The following CSMD1 variants were observed in gnomAD, a reference collection of about 807,000 sequenced individuals.
CSMD1 encodes the protein CUB and sushi domain-containing protein 1.
A neutral mutation model predicts 417.5 loss-of-function variants in CSMD1; 213 were observed. The ratio of observed to expected loss-of-function variants is 0.51; its 90% CI spans 0.46 to 0.57. CSMD1 has a LOEUF of 0.57. Among genes scored for constraint, CSMD1 ranks in the 20% least tolerant of loss-of-function variants. CSMD1 has a pLI of 0.00. For synonymous variants in CSMD1, 2,862 were observed against 1,736.8 expected, an observed-to-expected ratio of 1.65 and a Z score of -16.11; for missense variants, 6,923 against 4,529.7, an observed-to-expected ratio of 1.53 and a Z score of -15.17.
chr8:3,655,624 C>T (rs186380929), intron 7 of CSMD1, among the ~76,000 whole-genome samples: 1 of 151,472 alleles, frequency 6.6e-6, no homozygotes, highest in Admixed American at 6.6e-5. Flanking sequence ...GGCTGCAAGC[C>T]AGCTGAGCCT....
At chr8:4,380,204 A>G (rs1803012865) in intron 3 of CSMD1, among the ~76,000 whole-genome samples, 1 of 152,192 alleles carries the variant, frequency 6.6e-6, no homozygotes, top group Admixed American at 6.5e-5. Context: ...ACTTCTTTCC[A>G]GACTACAGTA....
At chr8:4,034,212 T>G (rs1797501914) in intron 3 of CSMD1, among the ~76,000 whole-genome samples, 1 of 151,788 alleles carries the variant, frequency 6.6e-6, no homozygotes, top group Non-Finnish European at 1.5e-5. Context: ...GTATTTTTAT[T>G]TATCATGATA....
chr8:3,844,340 T>C (rs937920770), intron 5 of CSMD1, among the ~76,000 whole-genome samples: 2 of 152,112 alleles, frequency 1.3e-5, no homozygotes, highest in Non-Finnish European at 2.9e-5. Flanking sequence ...ATGACAATAC[T>C]TCAGGAAGTC....
chr8:4,834,094 A>G (rs1033843522), intron 1 of CSMD1, among the ~76,000 whole-genome samples: 7 of 152,234 alleles, frequency 4.6e-5, no homozygotes, highest in African/African-American at 1.7e-4. Context: ...AGATATTCAA[A>G]TGAATTCCTT....
At chr8:3,240,507 A>G (rs989678985) in intron 26 of CSMD1, among the ~76,000 whole-genome samples, 25 of 151,822 alleles carry the variant, frequency 1.6e-4, no homozygotes, top group African/African-American at 6.1e-4. Context: ...TTTTTATGAG[A>G]ATTACGCCGA....
chr8:3,472,463 G>C (rs886563093), intron 11 of CSMD1, among the ~76,000 whole-genome samples: 5 of 152,038 alleles, frequency 3.3e-5, no homozygotes, highest in Non-Finnish European at 5.9e-5. Context: ...CTGTGTTAAA[G>C]TCTACTACCA....
chr8:3,091,573 G>T lies in CSMD1; in HGVS notation c.7228C>A (p.Leu2410Ile), dbSNP rs368899988. The T allele has an allele frequency of 1.3e-5, 21 of 1,610,668 alleles. No homozygotes were observed. The highest frequency in any genetic ancestry group is 1.5e-5 in the Non-Finnish European group (18 of 1,179,180). ...GTGGCATGGTCAGTGGACCAGCGGA[G>T]ATATAACTGATTACTCCTGCTTGTA... ...NFTSRSNQLYLRWSTDHATSK... is the reference protein window; with the variant it reads ...NFTSRSNQLYIRWSTDHATSK... The change falls in exon 48 of 70, where the codon CTC (leucine) becomes ATC (isoleucine). Residue 2410 changes from leucine to isoleucine, a missense_variant. Physicochemically the swap from Leu to Ile is conservative, Grantham distance 5. Transcript: ENST00000635120.
chr8:4,055,473 A>G (rs1303486547), intron 3 of CSMD1, among the ~76,000 whole-genome samples: 1 of 152,070 alleles, frequency 6.6e-6, no homozygotes, highest in East Asian at 1.9e-4. Context: ...AAATTATATG[A>G]AATACATATG....
chr8:3,968,730 T>C (rs779357703), intron 5 of CSMD1, among the ~76,000 whole-genome samples: 10 of 152,162 alleles, frequency 6.6e-5, no homozygotes, highest in African/African-American at 1.4e-4. Context: ...AATGTGTAAA[T>C]AGCATTTAAG....
chr8:3,767,417 T>A (rs1198791003), intron 5 of CSMD1, among the ~76,000 whole-genome samples: 1 of 152,204 alleles, frequency 6.6e-6, no homozygotes, highest in Non-Finnish European at 1.5e-5. Context: ...CTCAGAATTG[T>A]TCATTGTGTG....
At chr8:4,644,910 T>C (rs530430323) in intron 1 of CSMD1, among the ~76,000 whole-genome samples, 2 of 152,278 alleles carry the variant, frequency 1.3e-5, no homozygotes, top group African/African-American at 4.8e-5. Context: ...TGAGTTTGAG[T>C]GCATGTGTGG....
intron 1 of CSMD1, among the ~76,000 whole-genome samples, chr8:4,814,885 TA>T (rs1799119057): frequency 6.6e-6 from 1 of 152,198 alleles, no homozygotes; most frequent in Non-Finnish European, 1.5e-5. Flanking sequence ...ATTTCACTGA[TA>T]AAAACTATAT....
intron 18 of CSMD1, among the ~76,000 whole-genome samples, chr8:3,378,698 C>T (rs1178488165): frequency 1.3e-5 from 2 of 152,110 alleles, no homozygotes. Context: ...AACTTCAACA[C>T]CCCTTCATGC....
intron 3 of CSMD1, among the ~76,000 whole-genome samples, chr8:4,133,176 T>C (rs927591078): frequency 2.0e-5 from 3 of 152,146 alleles, no homozygotes; most frequent in Admixed American, 6.5e-5. Flanking sequence ...GGCCTTGTGA[T>C]CTGCCCACCT....
chr8:3,346,745 T>G (rs948534532), intron 22 of CSMD1, among the ~76,000 whole-genome samples: 2 of 152,246 alleles, frequency 1.3e-5, no homozygotes, highest in African/African-American at 4.8e-5. Context: ...TCCCTTTTAG[T>G]TGGCTTTCTG....
At chr8:4,296,081 C>G (rs903380702) in intron 3 of CSMD1, among the ~76,000 whole-genome samples, 1 of 152,048 alleles carries the variant, frequency 6.6e-6, no homozygotes, top group African/African-American at 2.4e-5. Flanking sequence ...GATGTGCTCT[C>G]TGTTGTTTTT....
intron 3 of CSMD1, among the ~76,000 whole-genome samples, chr8:4,178,723 T>C (rs1798192345): frequency 6.6e-6 from 1 of 152,172 alleles, no homozygotes; most frequent in South Asian, 2.1e-4. Flanking sequence ...GATAGGCAAC[T>C]TCAGCAAAGT....
chr8:4,722,556 T>G (rs2116916104), intron 1 of CSMD1, among the ~76,000 whole-genome samples: 1 of 152,230 alleles, frequency 6.6e-6, no homozygotes, highest in Middle Eastern at 3.4e-3. Context: ...ACTTTCCAAA[T>G]GCATCAGATA....
intron 3 of CSMD1, among the ~76,000 whole-genome samples, chr8:4,096,215 A>G (rs1296111546): frequency 1.3e-5 from 2 of 152,124 alleles, no homozygotes; most frequent in Non-Finnish European, 2.9e-5. Flanking sequence ...AACTCTTAAT[A>G]ATTATAATAA....
Sources: gnomAD v4.1 joint callset for allele counts (sites outside exome capture counted in the v4.1 genomes callset) on GRCh38, gnomAD v4.1.1 for gene constraint, MANE v1.5 for transcripts, NCBI Gene and HGNC (gene_info 2026-07-23, HGNC 2026-07-21) for gene names.